The following BOD1L1 variants were observed in gnomAD, a reference collection of about 807,000 sequenced individuals.
BOD1L1 encodes the protein biorientation of chromosomes in cell division 1 like 1.
A neutral mutation model predicts 240.7 loss-of-function variants in BOD1L1; 86 were observed. That is an observed-to-expected ratio of 0.36 (90% CI 0.30 to 0.43). The LOEUF (loss-of-function observed/expected upper bound fraction) is 0.43. Ranked by LOEUF, BOD1L1 falls within the 20% of genes least tolerant of loss-of-function variation. The pLI, the probability that BOD1L1 is intolerant of heterozygous loss-of-function variation, is 1.00. For missense variants in BOD1L1, 3,554 were observed against 3,643.5 expected (o/e 0.98, Z 0.63); for synonymous variants, 1,268 against 1,272.3 (o/e 1.00, Z 0.07).
In BOD1L1 at chr4:13,604,194, G is replaced by A. The variant is rs1006339552; in HGVS notation, c.2706C>T (p.Ser902=). ...VVHKEKRRTK[S]LLEEKLVLKS... ...TCAACACAAGTTTCTCTTCTAACAAGCTCTTTGTTCGTCGTTTCTCCTTGT... is the reference window on the plus strand; with the variant it reads ...TCAACACAAGTTTCTCTTCTAACAAACTCTTTGTTCGTCGTTTCTCCTTGT... The change falls in exon 10 of 26, where the codon AGC becomes AGT. Residue 902 remains serine, a synonymous_variant. Transcript: ENST00000040738. 5.6e-6 allele frequency: 9 copies of A among 1,613,354 alleles called. No homozygotes were observed. The highest frequency in any genetic ancestry group is 6.8e-6 in the Non-Finnish European group (8 of 1,179,712).
intron 17 of BOD1L1, among the ~76,000 whole-genome samples, chr4:13,586,077 T>G (rs1713661975): frequency 6.6e-6 from 1 of 152,208 alleles, no homozygotes; most frequent in African/African-American, 2.4e-5. Flanking sequence ...ATATCTGTGA[T>G]AAAGCACATT....
rs559616475 is a variant in BOD1L1 at position 13,582,387 on chromosome 4, CA to C, written c.8519-78del. The C allele has an allele frequency of 5.9e-4, 639 of 1,081,882 alleles. 5 individuals are homozygous for C. The highest frequency in any genetic ancestry group is 4.6e-3 in the African/African-American group (294 of 63,884). The allele number at this position is 1,081,882 out of a possible 1,614,324, so 67.0% of individuals were successfully genotyped here. A position where few individuals can be genotyped will look rare whatever the true frequency, so the allele number is the denominator to read the frequency against. On this transcript the variant is annotated intron_variant, in intron 18 of 25. Transcript: ENST00000040738. ...CCCACCTTTACCCAGGTGACCTACA[CA>C]GCTGCAGCCACACATAACCACACAC...
chr4:13,583,082 T>C lies in BOD1L1; in HGVS notation c.8434-346A>G, dbSNP rs536194125. Among the ~76,000 whole-genome samples the C allele has an allele frequency of 8.5e-5, 13 of 152,230 alleles. No homozygotes were observed. In the South Asian group the frequency reaches 2.7e-3, roughly 32 times the overall value. The stretch of plus-strand genomic sequence containing the variant: ...AATGGACAGATACTGGCAACAGATA[T>C]TTATCTTTGTGGAGTGATGGAGGGG... On this transcript the variant is annotated intron_variant, in intron 17 of 25. Coordinates refer to ENST00000040738, the MANE Select transcript of BOD1L1 (RefSeq NM_148894.3).
intron 17 of BOD1L1, among the ~76,000 whole-genome samples, chr4:13,583,447 G>T (rs1339620330): frequency 1.3e-5 from 2 of 152,010 alleles, no homozygotes; most frequent in East Asian, 3.9e-4. Context: ...ATTTAAAGGG[G>T]TCTATAATGA....
chr4:13,614,460 T>C lies in BOD1L1; in HGVS notation c.910A>G (p.Asn304Asp). The change falls in exon 4 of 26, where the codon AAT becomes GAT. Residue 304 changes from asparagine (N) to aspartate (D), a missense_variant. By Grantham distance (23) the Asn-to-Asp change is conservative. This residue lies in a region of BOD1L1 where 3,393 missense variants were observed against 3,427.1 expected (regional missense o/e 0.99). Transcript: ENST00000040738. ...CTGCTTTCCTGTTGAACATCCTTAT[T>C]TAGCAGAATTAAATTATTATGCTCT... ...TKEHNNLILLNKDVQQESSEQ... is the reference protein window; with the variant it reads ...TKEHNNLILLDKDVQQESSEQ... 2 of 1,613,146 alleles carry C rather than the reference T, an allele frequency of 1.2e-6. No individual in the cohort carries two copies. Among genetic ancestry groups the C allele is most frequent in the South Asian group, 2.2e-5 (2 of 90,954 alleles).
In BOD1L1 at chr4:13,569,927, T is replaced by C; in HGVS notation, c.*84A>G. The C allele has an allele frequency of 9.7e-7, 1 of 1,033,344 alleles. No individual in the cohort carries two copies. 64.0% of individuals were successfully genotyped at this position (1,033,344 alleles called of 1,614,324 possible). A position where few individuals can be genotyped will look rare whatever the true frequency, so the allele number is the denominator to read the frequency against. ...AGCACATGCATATCTTTTTCCTGGT[T>C]AAAGAGAAGCCTATGGCCACCAAGG... On this transcript the variant is annotated 3_prime_UTR_variant, in exon 26 of 26. Transcript: ENST00000040738.
Position 13,599,632 on chromosome 4 carries a change from G to A in BOD1L1, c.7268C>T (p.Pro2423Leu), listed in dbSNP as rs775184048. 6.2e-7 allele frequency: 1 copy of A among 1,613,894 alleles called. No individual in the cohort carries two copies. The highest frequency in any genetic ancestry group is 1.7e-5 in the Admixed American group (1 of 60,010). ...VHKPSAGQGH[P>L]SAVCAEKEEK... ...TTCTTTTTCCGCACAAACAGCACTT[G>A]GATGGCCTTGCCCTGCAGAGGGCTT... Residue 2423 changes from proline (P) to leucine (L), a missense_variant, in exon 10 of 26, where the codon CCA becomes CTA. Pro to Leu is a moderately conservative substitution (Grantham distance 98, BLOSUM62 -3). Transcript: ENST00000040738.
At chr4:13,572,715 G>A in intron 25 of BOD1L1, 1 of 1,289,824 alleles carries the variant, frequency 7.8e-7, no homozygotes, top group Non-Finnish European at 1.0e-6. Flanking sequence ...CCTAATGGGG[G>A]AGAGTTACTA....
chr4:13,604,758 T>C lies in BOD1L1; in HGVS notation c.2142A>G (p.Lys714=). 1 of 1,613,234 alleles carries C rather than the reference T, an allele frequency of 6.2e-7. No homozygotes were observed. The highest frequency in any genetic ancestry group is 1.1e-5 in the South Asian group (1 of 90,816). Residue 714 remains lysine (K), a synonymous_variant, in exon 10 of 26, where the codon AAA becomes AAG. Transcript: ENST00000040738. ...KKDDSETPHL[K]SLLKKEVKSS... ...ATTTCACCTCTTTCTTAAGTAGGCTTTTCAAATGTGGTGTTTCAGAATCAT... is the reference window on the plus strand; with the variant it reads ...ATTTCACCTCTTTCTTAAGTAGGCTCTTCAAATGTGGTGTTTCAGAATCAT...
At chr4:13,626,578 GACATTTGGT>G (rs988793990) in intron 1 of BOD1L1, among the ~76,000 whole-genome samples, 1 of 152,110 alleles carries the variant, frequency 6.6e-6, no homozygotes, top group Non-Finnish European at 1.5e-5. Context: ...CTTTCACTCT[GACATTTGGT>G]ACAAAATCCC....
intron 25 of BOD1L1, among the ~76,000 whole-genome samples, chr4:13,572,477 G>A (rs542946663): frequency 6.6e-6 from 1 of 152,368 alleles, no homozygotes; most frequent in African/African-American, 2.4e-5. Flanking sequence ...AAGGCTCACA[G>A]GTGTCAAGGA....
At position 13,600,709 on chromosome 4, in the gene BOD1L1, C is replaced by A. The variant is rs768052162; in HGVS notation, c.6191G>T (p.Gly2064Val). ...DITNQNSLAG[G>V]KNQGKVLIIS... is the part of the protein sequence containing the mutation. ...AATCAAAACTTTGCCTTGATTTTTA[C>A]CCCCTGCTAAGCTATTCTGGTTGGT... Residue 2064 changes from glycine to valine, a missense_variant, in exon 10 of 26, where the codon GGT becomes GTT. Physicochemically the swap from Gly to Val is moderately radical, Grantham distance 109. Around this residue, in one of 2 missense-constraint regions of BOD1L1, gnomAD observed 3,393 missense variants for 3,427.1 expected, o/e 0.99. Transcript: ENST00000040738. 1.2e-6 allele frequency: 2 copies of A among 1,613,960 alleles called. No individual in the cohort carries two copies. The highest frequency in any genetic ancestry group is 1.7e-5 in the Admixed American group (1 of 60,028).
At position 13,611,107 on chromosome 4, in the gene BOD1L1, G is replaced by T; in HGVS notation, c.1325-7C>A. On this transcript the variant is annotated splice_region_variant and splice_polypyrimidine_tract_variant and intron_variant, in intron 5 of 25. Transcript: ENST00000040738. ...TGTTTGTTCTTCTCTTCATCTGTAA[G>T]AAAGTTAATAGAAAGAGGAGTATGT... 6.3e-7 allele frequency: 1 copy of T among 1,580,126 alleles called. No individual in the cohort carries two copies.
chr4:13,595,757 G>C, intron 12 of BOD1L1, 103 bp downstream of exon 12: 2 of 785,746 alleles, frequency 2.5e-6, no homozygotes, highest in South Asian at 1.8e-5. Context: ...CAAGTTAATA[G>C]AGCCTGTATG....
chr4:13,581,382 C>T (rs1713219772), intron 19 of BOD1L1, among the ~76,000 whole-genome samples, 175 bp from the exon 20 acceptor site: 1 of 152,082 alleles, frequency 6.6e-6, no homozygotes, highest in Non-Finnish European at 1.5e-5. Flanking sequence ...CTGATCTCAC[C>T]ATTGCTTCTT....
chr4:13,601,540 CCTT>C lies in BOD1L1; in HGVS notation c.5357_5359del (p.Glu1786del). The C allele has an allele frequency of 6.2e-7, 1 of 1,614,058 alleles. No homozygotes were observed. The highest frequency in any genetic ancestry group is 8.5e-7 in the Non-Finnish European group (1 of 1,179,904). ...CCCCGTGCTGGTGACTGCACTCTCA[CCTT>C]CTGTACCATCATTCACAGAACCATC... On this transcript the variant is annotated inframe_deletion, in exon 10 of 26. Transcript: ENST00000040738.
Position 13,582,664 on chromosome 4 carries a change from T to C in BOD1L1, c.8506A>G (p.Met2836Val), listed in dbSNP as rs747663745. The C allele has an allele frequency of 7.4e-6, 12 of 1,611,546 alleles. No homozygotes were observed. The South Asian group carries it at 1.1e-4, about 15-fold the overall frequency. Residue 2836 changes from methionine to valine, a missense_variant, in exon 18 of 26, where the codon ATG becomes GTG. Around this residue, in one of 2 missense-constraint regions of BOD1L1, gnomAD observed 3,393 missense variants for 3,427.1 expected, o/e 0.99. Transcript: ENST00000040738. ...SETNSTTSRV[M>V]EEKDEYSSSE... ...ATATTTTACTCACCTTTTTCTTCCATGACCCTTGAGGTAGTGCTATTTGTC... is the reference window on the plus strand; with the variant it reads ...ATATTTTACTCACCTTTTTCTTCCACGACCCTTGAGGTAGTGCTATTTGTC...
intron 17 of BOD1L1, among the ~76,000 whole-genome samples, chr4:13,583,117 G>A (rs1043236118): frequency 1.3e-5 from 2 of 152,126 alleles, no homozygotes; most frequent in African/African-American, 2.4e-5. Context: ...GAGAGATGTG[G>A]GGAAGCAATA....
rs1262735311 is a variant in BOD1L1 at position 13,604,812 on chromosome 4, T to C, written c.2088A>G (p.Thr696=). Residue 696 remains threonine, a synonymous_variant, in exon 10 of 26, where the codon ACA becomes ACG. Transcript: ENST00000040738. The stretch of plus-strand genomic sequence containing the variant: ...TCTTTAGATGCTTTTCGTTTTTAAG[T>C]GTGCTTTTCTGTTTCTGGGGCTCTT... ...CTEEPQKQKS[T]LKNEKHLKKD... is the part of the protein sequence containing the mutation. The C allele has an allele frequency of 6.2e-7, 1 of 1,612,868 alleles. No homozygotes were observed. The highest frequency in any genetic ancestry group is 8.5e-7 in the Non-Finnish European group (1 of 1,179,680).
Sources: gnomAD v4.1 joint callset for allele counts (sites outside exome capture counted in the v4.1 genomes callset) on GRCh38, gnomAD v4.1.1 for gene constraint, gnomAD v4.1.1 regional missense constraint, MANE v1.5 for transcripts, NCBI Gene and HGNC (gene_info 2026-07-23, HGNC 2026-07-21) for gene names.